Variants in JMJD1C observed in about 807,000 individuals in gnomAD.
The protein encoded by JMJD1C is jumonji domain containing 1C, also known as jumonji domain-containing protein 1C.
JMJD1C carries 31 observed loss-of-function variants against 245.3 expected under a neutral mutation model. That is an observed-to-expected ratio of 0.13 (90% CI 0.09 to 0.17). JMJD1C has a LOEUF of 0.17. JMJD1C is among the 10% of genes least tolerant of loss of function. The probability of loss-of-function intolerance (pLI) is 1.00; values close to 1 mark genes in which losing one functional copy is unlikely to be tolerated. For missense variants in JMJD1C, 2,691 were observed against 3,000.2 expected (o/e 0.90, Z 2.41); for synonymous variants, 1,057 against 1,017.4 (o/e 1.04, Z -0.74).
At chr10:63,183,063 G>A (rs1294928448) in intron 22 of JMJD1C, among the ~76,000 whole-genome samples, 1 of 152,122 alleles carries the variant, frequency 6.6e-6, no homozygotes, top group Non-Finnish European at 1.5e-5. Context: ...GTTATAGCAT[G>A]TTGGTCAGGC....
intron 1 of JMJD1C, among the ~76,000 whole-genome samples, chr10:63,500,746 A>AGGATGGATGGATGGATGGATGGAT (rs780486083): frequency 9.8e-5 from 11 of 112,068 alleles, no homozygotes; most frequent in East Asian, 2.5e-4. Flanking sequence ...GATGGATGGA[A>AGGATGGATGGATGGATGGATGGAT]GGATGGATGG....
chr10:63,261,041 T>G (rs911489837), intron 3 of JMJD1C, among the ~76,000 whole-genome samples: 1 of 152,134 alleles, frequency 6.6e-6, no homozygotes, highest in East Asian at 1.9e-4. Context: ...GAATGTTAAG[T>G]GTAGCCAGGC....
intron 1 of JMJD1C, among the ~76,000 whole-genome samples, chr10:63,464,508 TCA>T (rs1953044510): frequency 6.6e-6 from 1 of 152,200 alleles, no homozygotes; most frequent in Non-Finnish European, 1.5e-5. Context: ...CAAATAAATT[TCA>T]CAGATTACGT....
intron 15 of JMJD1C, 48 bp downstream of exon 15, chr10:63,193,297 C>T (rs754894918): frequency 1.3e-6 from 2 of 1,530,712 alleles, no homozygotes; most frequent in African/African-American, 1.4e-5. Flanking sequence ...TCAAAGTTGA[C>T]TAATTTAACC....
intron 2 of JMJD1C, among the ~76,000 whole-genome samples, chr10:63,305,826 G>T (rs995714484): frequency 4.6e-5 from 7 of 151,914 alleles, no homozygotes; most frequent in African/African-American, 1.7e-4. Flanking sequence ...TTGAACTCCT[G>T]GGCTCAAGTG....
chr10:63,179,133 C>T (rs758546950), intron 22 of JMJD1C, among the ~76,000 whole-genome samples: 30 of 151,934 alleles, frequency 2.0e-4, no homozygotes, highest in South Asian at 2.1e-4. Context: ...AATGTGTGGC[C>T]GGGCGTGGGA....
chr10:63,427,554 G>A (rs776456487), intron 1 of JMJD1C: 16 of 1,402,742 alleles, frequency 1.1e-5, no homozygotes, highest in Non-Finnish European at 1.5e-5. Context: ...ACTCTATTGT[G>A]GACCCACAGA....
intron 2 of JMJD1C, among the ~76,000 whole-genome samples, chr10:63,297,165 C>T (rs1859535855): frequency 6.6e-6 from 1 of 152,236 alleles, no homozygotes; most frequent in African/African-American, 2.4e-5. Flanking sequence ...GTGGCTCACG[C>T]CTGTAATCCT....
chr10:63,259,486 G>C (rs1200129062), intron 3 of JMJD1C, among the ~76,000 whole-genome samples: 1 of 152,128 alleles, frequency 6.6e-6, no homozygotes, highest in Non-Finnish European at 1.5e-5. Flanking sequence ...AACTGTTTGA[G>C]CTATTTTTAG....
At chr10:63,472,449 A>G (rs574656574) in intron 1 of JMJD1C, among the ~76,000 whole-genome samples, 97 of 152,258 alleles carry the variant, frequency 6.4e-4, no homozygotes, top group African/African-American at 2.2e-3. Flanking sequence ...CTCGTGCCTC[A>G]GTCTCCCAAG....
At chr10:63,462,500 A>T (rs932145747) in intron 1 of JMJD1C, among the ~76,000 whole-genome samples, 10 of 152,196 alleles carry the variant, frequency 6.6e-5, no homozygotes, top group Admixed American at 1.3e-4. Flanking sequence ...ATTACATGGC[A>T]AAGGAGAATT....
At chr10:63,382,702 C>G (rs1947308265) in intron 1 of JMJD1C, 1 of 446,108 alleles carries the variant, frequency 2.2e-6, no homozygotes, top group South Asian at 1.6e-5. Flanking sequence ...AATCATTCAA[C>G]CCTTCGCTCC....
At chr10:63,439,826 TAC>T (rs1419466296) in intron 1 of JMJD1C, among the ~76,000 whole-genome samples, 4 of 152,224 alleles carry the variant, frequency 2.6e-5, no homozygotes, top group African/African-American at 7.2e-5. Context: ...CCTTCTAGTC[TAC>T]AGTTTATTTT....
chr10:63,293,779 T>A (rs1465959782), intron 2 of JMJD1C, among the ~76,000 whole-genome samples: 1 of 116,846 alleles, frequency 8.6e-6, no homozygotes, highest in Non-Finnish European at 2.0e-5. Context: ...ATGCTTTCCC[T>A]ATTTCTCTAA....
intron 3 of JMJD1C, among the ~76,000 whole-genome samples, chr10:63,237,018 GAACA>G (rs1312625770): frequency 9.9e-5 from 15 of 152,012 alleles, no homozygotes; most frequent in East Asian, 1.9e-4. Flanking sequence ...GATTCATACA[GAACA>G]AACACTGTTT....
rs549092911 is a variant in JMJD1C, at chr10:63,329,288, A to AAAAG, written c.333+51026_333+51029dup. ...CAGGGAGACCTTATTTCAAAAAAAAAAAAGAAAGAAAGAAAGAAAGAAAAA... is the reference window on the plus strand; with the variant it reads ...CAGGGAGACCTTATTTCAAAAAAAAAAAAGAAAGAAAGAAAGAAAGAAAGAAAAA... On this transcript the variant is annotated intron_variant, in intron 2 of 25. Coordinates refer to ENST00000399262, the MANE Select transcript of JMJD1C (RefSeq NM_032776.3). Among the ~76,000 whole-genome samples, 326 of 151,914 alleles carry AAAAG rather than the reference A, an allele frequency of 2.1e-3. 1 individual carries two copies. The highest frequency in any genetic ancestry group is 7.1e-3 in the African/African-American group (294 of 41,448).
intron 3 of JMJD1C, chr10:63,222,888 A>G (rs1589198653): frequency 6.7e-7 from 1 of 1,493,634 alleles, no homozygotes; most frequent in East Asian, 2.3e-5. Context: ...TTTCCTACCA[A>G]AAAGAAGTGG....
chr10:63,491,789 T>A (rs983491342), intron 1 of JMJD1C, among the ~76,000 whole-genome samples: 1 of 152,234 alleles, frequency 6.6e-6, no homozygotes, highest in Admixed American at 6.5e-5. Context: ...CCTCACTCTT[T>A]CCAGACAAAC....
intron 12 of JMJD1C, among the ~76,000 whole-genome samples, chr10:63,198,190 A>G (rs1845658558): frequency 6.6e-6 from 1 of 152,252 alleles, no homozygotes; most frequent in Admixed American, 6.5e-5. Context: ...CTGAGATTCC[A>G]ATACAAATAA....
Sources: allele counts gnomAD v4.1 joint callset (sites outside exome capture counted in the v4.1 genomes callset), GRCh38; gene constraint gnomAD v4.1.1; transcripts MANE v1.5; gene names NCBI Gene and HGNC (gene_info 2026-07-23, HGNC 2026-07-21).